SLC8A1: variants seen among roughly 807,000 people sequenced by gnomAD.
The protein encoded by SLC8A1 is sodium/calcium exchanger 1.
In SLC8A1, 18 loss-of-function variants were observed where a neutral mutation model predicts 68.3. The observed-to-expected ratio is 0.26, with a 90% CI of 0.18 to 0.39. SLC8A1 has a LOEUF of 0.39. Ranked by LOEUF, SLC8A1 falls within the 10% of genes least tolerant of loss-of-function variation. SLC8A1 has a pLI of 1.00. For synonymous variants in SLC8A1, 475 were observed against 415.5 expected (o/e 1.14, Z -1.74); for missense variants, 985 against 1,156.7 (o/e 0.85, Z 2.15).
intron 2 of SLC8A1, among the ~76,000 whole-genome samples, chr2:40,333,309 G>A (rs2076613227): frequency 6.6e-6 from 1 of 151,988 alleles, no homozygotes; most frequent in South Asian, 2.1e-4. Context: ...GTGGTGGCAT[G>A]TGCCTGTAGT....
chr2:40,098,496 A>G (rs1296074030), exon 8 of SLC8A1: 1 of 152,014 alleles, frequency 6.6e-6, no homozygotes, highest in East Asian at 1.9e-4. Flanking sequence ...TGGGAAAATT[A>G]TATGGCAATT....
At chr2:40,358,456 CA>C (rs1673459136) in intron 2 of SLC8A1, among the ~76,000 whole-genome samples, 1 of 152,112 alleles carries the variant, frequency 6.6e-6, no homozygotes, top group African/African-American at 2.4e-5. Flanking sequence ...AGAAATCTCT[CA>C]AATTTTGTTT....
At position 40,439,490 on chromosome 2, in the gene SLC8A1, C is replaced by T. The variant is rs150580465; in HGVS notation, c.-24-9186G>A. On this transcript the variant is annotated intron_variant, in intron 1 of 7. Coordinates refer to ENST00000406785, the Ensembl canonical transcript of SLC8A1. ...GAACGAATCCCTGTGGTCACTCTTT[C>T]TTCTTTCTAGTCTGCCTCTTGGAAC... Among the ~76,000 whole-genome samples the T allele has an allele frequency of 5.2e-3, 797 of 152,272 alleles. 9 individuals carry two copies. The highest frequency in any genetic ancestry group is 0.018 in the African/African-American group (746 of 41,560).
chr2:40,225,364 A>G (rs550540295), intron 2 of SLC8A1, among the ~76,000 whole-genome samples: 7 of 152,270 alleles, frequency 4.6e-5, no homozygotes, highest in African/African-American at 1.4e-4. Flanking sequence ...AGGTATTTAA[A>G]ATAGTATTTG....
chr2:40,183,691 CTTGTTA>C (rs2050076409), intron 2 of SLC8A1, among the ~76,000 whole-genome samples: 1 of 152,102 alleles, frequency 6.6e-6, no homozygotes, highest in Admixed American at 6.6e-5. Context: ...ACAATGGGTT[CTTGTTA>C]TTAAGTTGGA....
At chr2:40,160,702 A>T in intron 6 of SLC8A1, 63 bp downstream of exon 9, 2 of 1,430,124 alleles carry the variant, frequency 1.4e-6, no homozygotes, top group East Asian at 2.3e-5. Context: ...AAGTAGCCAC[A>T]GTAGGAAAAC....
intron 2 of SLC8A1, among the ~76,000 whole-genome samples, chr2:40,397,450 G>C (rs188603980): frequency 3.1e-4 from 47 of 152,314 alleles, no homozygotes; most frequent in Admixed American, 5.9e-4. Flanking sequence ...CTAGGGAAGA[G>C]GAATTGCTGC....
chr2:40,177,654 G>A, intron 3 of SLC8A1: 1 of 746,056 alleles, frequency 1.3e-6, no homozygotes, highest in South Asian at 1.6e-5. Flanking sequence ...ATAGTACTTG[G>A]AAGCCGAGGA....
At chr2:40,327,680 T>C (rs758499864) in intron 2 of SLC8A1, among the ~76,000 whole-genome samples, 32 of 152,134 alleles carry the variant, frequency 2.1e-4, no homozygotes, top group Non-Finnish European at 4.1e-4. Context: ...CTGCATGTTA[T>C]CACATATAAC....
At chr2:40,348,263 C>G (rs1175407765) in intron 2 of SLC8A1, among the ~76,000 whole-genome samples, 1 of 152,178 alleles carries the variant, frequency 6.6e-6, no homozygotes, top group Non-Finnish European at 1.5e-5. Flanking sequence ...GCTCTGAAGA[C>G]ATAACCGCCT....
At chr2:40,329,889 G>T (rs1207981951) in intron 2 of SLC8A1, among the ~76,000 whole-genome samples, 2 of 152,086 alleles carry the variant, frequency 1.3e-5, no homozygotes, top group African/African-American at 4.8e-5. Context: ...AAGAGAGGAA[G>T]GGAATTTATG....
At chr2:40,363,492 G>A (rs781669476) in intron 2 of SLC8A1, among the ~76,000 whole-genome samples, 4 of 152,010 alleles carry the variant, frequency 2.6e-5, no homozygotes, top group Non-Finnish European at 5.9e-5. Flanking sequence ...TGATCAATGA[G>A]AAATAAACTG....
intron 2 of SLC8A1, chr2:40,220,322 C>T (rs956891002): frequency 6.6e-6 from 1 of 152,196 alleles, no homozygotes; most frequent in Non-Finnish European, 1.5e-5. Context: ...TGAGACATCT[C>T]TGACTTGGCT....
intron 2 of SLC8A1, among the ~76,000 whole-genome samples, chr2:40,239,340 A>T (rs906970117): frequency 3.9e-5 from 6 of 152,122 alleles, no homozygotes; most frequent in Admixed American, 1.3e-4. Context: ...AAGATCACTG[A>T]GTTATCTGGA....
intron 2 of SLC8A1, among the ~76,000 whole-genome samples, chr2:40,186,099 C>A (rs116399954): frequency 2.0e-5 from 3 of 152,150 alleles, no homozygotes; most frequent in Non-Finnish European, 4.4e-5. Context: ...TTCCTTGACT[C>A]CTTTCTTTTC....
chr2:40,379,684 A>G (rs1681090608), intron 2 of SLC8A1, among the ~76,000 whole-genome samples: 1 of 151,120 alleles, frequency 6.6e-6, no homozygotes. Flanking sequence ...TGTTTACCGC[A>G]TCACCATCAC....
At chr2:40,182,014 A>G (rs753378920) in intron 2 of SLC8A1, among the ~76,000 whole-genome samples, 11 of 152,276 alleles carry the variant, frequency 7.2e-5, no homozygotes, top group Non-Finnish European at 1.5e-4. Flanking sequence ...GGAACCTTGA[A>G]TGTCCTCCAG....
chr2:40,314,171 T>C (rs938695776), intron 2 of SLC8A1, among the ~76,000 whole-genome samples: 1 of 152,092 alleles, frequency 6.6e-6, no homozygotes, highest in African/African-American at 2.4e-5. Context: ...TTGGAATTTG[T>C]GCATATAGTG....
chr2:40,411,911 G>C (rs888082178), intron 2 of SLC8A1, among the ~76,000 whole-genome samples: 1 of 151,958 alleles, frequency 6.6e-6, no homozygotes, highest in African/African-American at 2.4e-5. Flanking sequence ...TAACTCAACA[G>C]TCAAAATTGA....
Sources: gnomAD v4.1 joint callset for allele counts (sites outside exome capture counted in the v4.1 genomes callset) on GRCh38, gnomAD v4.1.1 for gene constraint, MANE v1.5 for transcripts, NCBI Gene and HGNC (gene_info 2026-07-23, HGNC 2026-07-21) for gene names.